TBC1D5: variants seen among roughly 807,000 people sequenced by gnomAD.
The protein encoded by TBC1D5 is TBC1 domain family, member 5.
A neutral mutation model predicts 100.3 loss-of-function variants in TBC1D5; 75 were observed. That is an observed-to-expected ratio of 0.75 (90% CI 0.62 to 0.91). The LOEUF (loss-of-function observed/expected upper bound fraction) is 0.91, where lower values mean the gene tolerates loss of function less well. TBC1D5 is among the 40% of genes least tolerant of loss of function. The pLI, the probability that TBC1D5 is intolerant of heterozygous loss-of-function variation, is 0.00. For synonymous variants in TBC1D5, 323 were observed against 325.6 expected, an observed-to-expected ratio of 0.99 and a Z score of 0.09; for missense variants, 910 against 942.4, an observed-to-expected ratio of 0.97 and a Z score of 0.45.
chr3:17,563,235 G>A (rs2153479657), intron 2 of TBC1D5, among the ~76,000 whole-genome samples: 1 of 152,280 alleles, frequency 6.6e-6, no homozygotes, highest in East Asian at 1.9e-4. Flanking sequence ...CAAATTTGAG[G>A]ATCCATCATG....
At chr3:17,422,346 G>GTTTTTT (rs200102244) in intron 4 of TBC1D5, among the ~76,000 whole-genome samples, 2 of 147,124 alleles carry the variant, frequency 1.4e-5, no homozygotes, top group Admixed American at 6.7e-5. Flanking sequence ...TTTGTTTTTT[G>GTTTTTT]TTTTTTTGTT....
chr3:17,648,953 T>G (rs1438457588), intron 1 of TBC1D5, among the ~76,000 whole-genome samples: 1 of 152,156 alleles, frequency 6.6e-6, no homozygotes, highest in African/African-American at 2.4e-5. Context: ...GAACTACCAT[T>G]CAATCCAGCA....
chr3:17,263,211 A>G (rs1287894084), intron 15 of TBC1D5, among the ~76,000 whole-genome samples: 1 of 151,934 alleles, frequency 6.6e-6, no homozygotes, highest in African/African-American at 2.4e-5. Flanking sequence ...CTTAAAAGGT[A>G]AGACAGCCGA....
chr3:17,175,333 T>G (rs896904656), intron 19 of TBC1D5, among the ~76,000 whole-genome samples: 6 of 152,138 alleles, frequency 3.9e-5, no homozygotes, highest in Admixed American at 3.9e-4. Flanking sequence ...GTGAACTGAG[T>G]AAGCGTGGCA....
chr3:17,726,043 A>T (rs922408680), intron 1 of TBC1D5, among the ~76,000 whole-genome samples: 1 of 152,130 alleles, frequency 6.6e-6, no homozygotes, highest in Non-Finnish European at 1.5e-5. Context: ...AACGGACATG[A>T]TGTCATTCTT....
intron 1 of TBC1D5, among the ~76,000 whole-genome samples, chr3:17,718,851 C>T (rs1420165565): frequency 6.6e-6 from 1 of 151,706 alleles, no homozygotes; most frequent in Non-Finnish European, 1.5e-5. Flanking sequence ...ATTAAAAAAC[C>T]CTATAGACAG....
chr3:17,336,710 G>GGA (rs2087874817), intron 13 of TBC1D5, among the ~76,000 whole-genome samples: 1 of 142,042 alleles, frequency 7.0e-6, no homozygotes, highest in African/African-American at 2.6e-5. Context: ...TAGCATCACT[G>GGA]AAAAAAAAAA....
chr3:17,540,875 C>T (rs1421926188), intron 2 of TBC1D5, among the ~76,000 whole-genome samples: 3 of 138,416 alleles, frequency 2.2e-5, no homozygotes, highest in Non-Finnish European at 4.5e-5. Context: ...CCACTGCACA[C>T]CAGCCTGGCG....
At chr3:17,596,392 C>A (rs918233449) in intron 2 of TBC1D5, among the ~76,000 whole-genome samples, 5 of 148,296 alleles carry the variant, frequency 3.4e-5, no homozygotes, top group African/African-American at 1.2e-4. Context: ...AATTTGGGCT[C>A]ACTGCAACCT....
intron 13 of TBC1D5, among the ~76,000 whole-genome samples, chr3:17,343,281 G>A (rs1405419906): frequency 4.0e-5 from 6 of 151,506 alleles, no homozygotes; most frequent in East Asian, 1.9e-4. Flanking sequence ...ATTGATTTGC[G>A]TATATTGAAC....
intron 2 of TBC1D5, among the ~76,000 whole-genome samples, chr3:17,615,100 T>C (rs570525171): frequency 1.1e-4 from 17 of 152,208 alleles, no homozygotes; most frequent in Non-Finnish European, 1.8e-4. Context: ...TGAAGGGCTG[T>C]TGAATTCTGT....
chr3:17,244,208 TAC>T (rs2059637490), intron 16 of TBC1D5, among the ~76,000 whole-genome samples: 1 of 152,232 alleles, frequency 6.6e-6, no homozygotes, highest in African/African-American at 2.4e-5. Flanking sequence ...AATCTTTAGA[TAC>T]ACAGCCTAGT....
chr3:17,258,691 T>C (rs2077983408), intron 15 of TBC1D5, 100 bp from the exon 16 acceptor site: 3 of 827,602 alleles, frequency 3.6e-6, no homozygotes, highest in East Asian at 2.9e-5. Flanking sequence ...CAGAAAAGAA[T>C]ATGTATAATA....
intron 13 of TBC1D5, among the ~76,000 whole-genome samples, chr3:17,331,722 A>G (rs1575377837): frequency 1.3e-5 from 2 of 152,330 alleles, no homozygotes; most frequent in Admixed American, 1.3e-4. Context: ...TAAGAAAAAT[A>G]AAATAGGTAA....
intron 8 of TBC1D5, among the ~76,000 whole-genome samples, chr3:17,390,348 T>C (rs1242461374): frequency 6.6e-6 from 1 of 152,058 alleles, no homozygotes; most frequent in African/African-American, 2.4e-5. Flanking sequence ...CTATCTGTAA[T>C]GCAGGCAACA....
chr3:17,431,224 G>A (rs1336970284), intron 3 of TBC1D5, among the ~76,000 whole-genome samples: 1 of 151,814 alleles, frequency 6.6e-6, no homozygotes, highest in Non-Finnish European at 1.5e-5. Context: ...AAGTTGTCAG[G>A]TAGCCGTAAC....
chr3:17,447,266 G>A (rs556376093), intron 3 of TBC1D5, among the ~76,000 whole-genome samples: 48 of 152,320 alleles, frequency 3.2e-4, no homozygotes, highest in African/African-American at 1.1e-3. Context: ...AGCTACTGCT[G>A]TAGCTGAAAG....
intron 1 of TBC1D5, among the ~76,000 whole-genome samples, chr3:17,626,646 G>A (rs374927290): frequency 1.3e-5 from 2 of 152,064 alleles, no homozygotes; most frequent in African/African-American, 4.8e-5. Context: ...CTTCACAGAG[G>A]GGGCAAGACA....
chr3:17,258,585 G>A, exon 16 of TBC1D5: 5 of 1,611,114 alleles, frequency 3.1e-6, no homozygotes, highest in Non-Finnish European at 4.2e-6. Context: ...ACTGGTCTTG[G>A]ATTTCTCTAA....
Sources: gnomAD v4.1 joint callset for allele counts (sites outside exome capture counted in the v4.1 genomes callset) on GRCh38, gnomAD v4.1.1 for gene constraint, MANE v1.5 for transcripts, NCBI Gene and HGNC (gene_info 2026-07-23, HGNC 2026-07-21) for gene names.